Variants in DOCK2 observed in about 807,000 individuals in gnomAD.
DOCK2 encodes dedicator of cytokinesis 2, also known as dedicator of cytokinesis protein 2.
Under a neutral mutation model 248.9 loss-of-function variants are expected in DOCK2, and 87 were observed. The observed-to-expected ratio is 0.35, with a 90% confidence interval of 0.29 to 0.42. The LOEUF is 0.42. Ranked by LOEUF, DOCK2 falls within the 10% of genes least tolerant of loss-of-function variation. The pLI is 1.00. For missense variants in DOCK2, 1,747 were observed against 2,300.2 expected, an observed-to-expected ratio of 0.76 and a Z score of 4.92; for synonymous variants, 805 against 821.6, an observed-to-expected ratio of 0.98 and a Z score of 0.35.
At chr5:169,661,914 T>C (rs1303421484) in intron 2 of DOCK2, among the ~76,000 whole-genome samples, 1 of 152,346 alleles carries the variant, frequency 6.6e-6, no homozygotes, top group East Asian at 1.9e-4. Context: ...AATAATGCTG[T>C]AACGAATATG....
At chr5:169,867,909 A>G (rs1771693442) in intron 27 of DOCK2, among the ~76,000 whole-genome samples, 1 of 152,186 alleles carries the variant, frequency 6.6e-6, no homozygotes, top group Non-Finnish European at 1.5e-5. Flanking sequence ...TAACATGGTG[A>G]GTTGCAAGCT....
rs562698229 is a variant in DOCK2 at position 170,005,002 on chromosome 5, G to A, written c.3073-3495G>A. Among the ~76,000 whole-genome samples, 26 of 149,772 alleles carry A rather than the reference G, an allele frequency of 1.7e-4. No individual in the cohort carries two copies. In the South Asian group the frequency reaches 5.6e-3, roughly 32 times the overall value. On this transcript the variant is annotated intron_variant, in intron 30 of 51. Transcript: ENST00000520908. ...TTAGTGGGTGCAGCGCACCAGCATG[G>A]CATATGTATACATATGTAACTAACC...
intron 30 of DOCK2, chr5:169,998,124 A>T: frequency 4.5e-6 from 2 of 445,170 alleles, no homozygotes; most frequent in South Asian, 1.6e-5. Flanking sequence ...CACAGTCATT[A>T]TGCAAAACCA....
intron 26 of DOCK2, among the ~76,000 whole-genome samples, chr5:169,808,195 G>T (rs1477452945): frequency 6.6e-6 from 1 of 152,110 alleles, no homozygotes; most frequent in East Asian, 1.9e-4. Context: ...GATGTTCCAT[G>T]GAACATCCAA....
rs1302295159 is a variant in DOCK2 at position 170,057,475 on chromosome 5, A to AG, written c.4381-103dup. 9 of 888,944 alleles carry AG rather than the reference A, an allele frequency of 1.0e-5. No individual in the cohort carries two copies. The African/African-American group carries it at 1.3e-4, about 13-fold the overall frequency. The allele number at this position is 888,944 out of a possible 1,614,324, so 55.1% of individuals were successfully genotyped here. A position where few individuals can be genotyped will look rare whatever the true frequency, so the allele number is the denominator to read the frequency against. ...TTTATTCTGCTTTCGGGTAGATGGG[A>AG]GGCCCGGGGACCTGGCTGGGTTTCT... On this transcript the variant is annotated intron_variant, in intron 43 of 51. Coordinates refer to ENST00000520908, the MANE Select transcript of DOCK2 (RefSeq NM_004946.3).
At chr5:169,768,656 G>A (rs557765304) in intron 25 of DOCK2, among the ~76,000 whole-genome samples, 9 of 152,268 alleles carry the variant, frequency 5.9e-5, no homozygotes, top group East Asian at 3.9e-4. Flanking sequence ...GCAGCAAGCC[G>A]GGGTGTTAGC....
chr5:169,882,274 A>AT (rs1209305038), intron 27 of DOCK2, among the ~76,000 whole-genome samples: 2 of 152,192 alleles, frequency 1.3e-5, no homozygotes, highest in Non-Finnish European at 2.9e-5. Context: ...CATAAAAATC[A>AT]TTTTTGATCT....
chr5:169,747,117 C>T (rs925753430), intron 22 of DOCK2, among the ~76,000 whole-genome samples: 3 of 152,158 alleles, frequency 2.0e-5, no homozygotes, highest in Non-Finnish European at 4.4e-5. Flanking sequence ...CTCCTCAGCT[C>T]AGACAAATTT....
chr5:169,862,232 G>A (rs1168427498), intron 27 of DOCK2, among the ~76,000 whole-genome samples: 7 of 152,140 alleles, frequency 4.6e-5, no homozygotes, highest in Non-Finnish European at 8.8e-5. Context: ...CAAACAGGCC[G>A]GGAAATTTAA....
intron 23 of DOCK2, among the ~76,000 whole-genome samples, chr5:169,755,842 T>C (rs1764169144): frequency 6.6e-6 from 1 of 152,200 alleles, no homozygotes; most frequent in Non-Finnish European, 1.5e-5. Context: ...CCATAGGTCT[T>C]ATGGTTGAGG....
intron 27 of DOCK2, among the ~76,000 whole-genome samples, chr5:169,908,362 T>A (rs939371859): frequency 1.1e-4 from 17 of 152,302 alleles, no homozygotes; most frequent in African/African-American, 4.1e-4. Flanking sequence ...ATTACTCACA[T>A]GCATATAGGC....
intron 27 of DOCK2, among the ~76,000 whole-genome samples, chr5:169,876,103 A>G (rs981034965): frequency 1.3e-5 from 2 of 151,852 alleles, no homozygotes; most frequent in Non-Finnish European, 2.9e-5. Flanking sequence ...TGACCACGGC[A>G]CTCTGACCTT....
At chr5:170,056,203 C>T (rs1370816385) in intron 42 of DOCK2, among the ~76,000 whole-genome samples, 3 of 152,228 alleles carry the variant, frequency 2.0e-5, no homozygotes, top group Non-Finnish European at 4.4e-5. Flanking sequence ...CTCAGACAGG[C>T]ACCCATGAGC....
intron 1 of DOCK2, among the ~76,000 whole-genome samples, chr5:169,651,783 A>T (rs551011044): frequency 1.3e-5 from 2 of 152,306 alleles, no homozygotes; most frequent in South Asian, 4.1e-4. Flanking sequence ...GGCTGCGTTT[A>T]TGCAGGAGGA....
In DOCK2 at chr5:169,693,501, T is replaced by C. The variant is rs58403100; in HGVS notation, c.844-2302T>C. On this transcript the variant is annotated intron_variant, in intron 9 of 51. Coordinates refer to ENST00000520908, the MANE Select transcript of DOCK2 (RefSeq NM_004946.3). Reference sequence around the variant, plus strand: ...GGGGGGAAATAAATGAAATAATAGATGCGATGTCTAAAGATGAATTCATAA... The same window carrying C: ...GGGGGGAAATAAATGAAATAATAGACGCGATGTCTAAAGATGAATTCATAA... Among the ~76,000 whole-genome samples, 1,474 of 152,158 alleles carry C rather than the reference T, an allele frequency of 9.7e-3. 31 individuals carry two copies. The highest frequency in any genetic ancestry group is 0.034 in the African/African-American group (1,420 of 41,488).
intron 26 of DOCK2, among the ~76,000 whole-genome samples, chr5:169,832,013 G>A (rs1769259053): frequency 6.6e-6 from 1 of 152,162 alleles, no homozygotes; most frequent in Admixed American, 6.5e-5. Context: ...TTGTGCCATC[G>A]ACACCACACT....
intron 27 of DOCK2, among the ~76,000 whole-genome samples, chr5:169,908,062 T>A (rs1245958748): frequency 6.6e-6 from 1 of 152,180 alleles, no homozygotes; most frequent in Non-Finnish European, 1.5e-5. Context: ...GATCAAGCCA[T>A]CCCCAGGAAA....
chr5:169,957,353 A>G (rs548257298), intron 27 of DOCK2, among the ~76,000 whole-genome samples: 7 of 152,360 alleles, frequency 4.6e-5, no homozygotes, highest in East Asian at 1.9e-4. Flanking sequence ...TCAGAATTCA[A>G]TGAGACAAAA....
intron 27 of DOCK2, among the ~76,000 whole-genome samples, chr5:169,927,046 G>T: frequency 6.6e-6 from 1 of 152,198 alleles, no homozygotes; most frequent in East Asian, 1.9e-4. Flanking sequence ...GCTTCCCAGG[G>T]TGCCAGACCA....
Sources: gnomAD v4.1 joint callset for allele counts (sites outside exome capture counted in the v4.1 genomes callset) on GRCh38, gnomAD v4.1.1 for gene constraint, MANE v1.5 for transcripts, NCBI Gene and HGNC (gene_info 2026-07-23, HGNC 2026-07-21) for gene names.